Variants in NPSR1 observed in about 807,000 individuals in gnomAD.
NPSR1 encodes neuropeptide S receptor 1.
Under a neutral mutation model 46.9 loss-of-function variants are expected in NPSR1, and 48 were observed. The observed-to-expected ratio is 1.02, with a 90% CI of 0.81 to 1.30. The LOEUF (loss-of-function observed/expected upper bound fraction) is 1.30. Ranked by LOEUF, NPSR1 falls within the 50% of genes most tolerant of loss-of-function variation. The pLI, the probability that NPSR1 is intolerant of heterozygous loss-of-function variation, is 0.00. For missense variants in NPSR1, 450 were observed against 449.5 expected (o/e 1.00, Z -0.01); for synonymous variants, 176 against 168.1 (o/e 1.05, Z -0.36).
intron 6 of NPSR1, among the ~76,000 whole-genome samples, chr7:34,837,049 G>A (rs760957143): frequency 3.9e-5 from 6 of 152,284 alleles, no homozygotes; most frequent in South Asian, 4.2e-4. Flanking sequence ...ATGATAGCTA[G>A]AGAGAGAGGG....
chr7:34,842,244 G>A (rs1303806662), intron 6 of NPSR1, among the ~76,000 whole-genome samples: 1 of 152,180 alleles, frequency 6.6e-6, no homozygotes, highest in African/African-American at 2.4e-5. Context: ...ATTTGCCTAA[G>A]TTTACAAAGT....
intron 8 of NPSR1, among the ~76,000 whole-genome samples, chr7:34,868,693 T>C (rs1791379479): frequency 6.6e-6 from 1 of 151,620 alleles, no homozygotes; most frequent in African/African-American, 2.4e-5. Flanking sequence ...GAGGGGCAGC[T>C]CTCACAGTAT....
chr7:34,768,021 C>CA (rs1164377638), intron 2 of NPSR1, among the ~76,000 whole-genome samples: 1 of 151,844 alleles, frequency 6.6e-6, no homozygotes, highest in South Asian at 2.1e-4. Context: ...ATGATCCTCA[C>CA]AAAAAAATGA....
intron 2 of NPSR1, among the ~76,000 whole-genome samples, chr7:34,687,306 A>G (rs1376160475): frequency 1.3e-5 from 2 of 152,216 alleles, no homozygotes; most frequent in Non-Finnish European, 2.9e-5. Flanking sequence ...GTATAAAACC[A>G]TAAGATATAC....
chr7:34,697,186 TC>T (rs1358293889), intron 2 of NPSR1, among the ~76,000 whole-genome samples: 1 of 151,934 alleles, frequency 6.6e-6, no homozygotes, highest in African/African-American at 2.4e-5. Flanking sequence ...AAGATTTTTT[TC>T]ATAATAAAAT....
intron 2 of NPSR1, among the ~76,000 whole-genome samples, chr7:34,704,979 G>A (rs1408406803): frequency 6.6e-6 from 1 of 152,030 alleles, no homozygotes; most frequent in Non-Finnish European, 1.5e-5. Context: ...ATATGGTCTG[G>A]CCATTGTCTA....
intron 2 of NPSR1, among the ~76,000 whole-genome samples, chr7:34,747,431 T>G (rs1785263910): frequency 6.6e-6 from 1 of 152,228 alleles, no homozygotes; most frequent in African/African-American, 2.4e-5. Context: ...CAGAAGAATG[T>G]ACTTATTCTG....
intron 1 of NPSR1, among the ~76,000 whole-genome samples, chr7:34,684,149 T>C (rs6957501): frequency 0.18 from 26,863 of 152,158 alleles, 3,468 homozygotes; most frequent in African/African-American, 0.36. Flanking sequence ...TTAATAGCTA[T>C]GCTGTAATAG....
Position 34,798,164 on chromosome 7 carries a change from C to T in NPSR1, c.385-13606C>T, listed in dbSNP as rs529362655. On this transcript the variant is annotated intron_variant, in intron 3 of 8. Coordinates refer to ENST00000360581, the MANE Select transcript of NPSR1 (RefSeq NM_207172.2). ...CTTAATTGACCTATAGATAGTTGCTCGACACAAAAATAGCAATAATGCATT... is the reference window on the plus strand; with the variant it reads ...CTTAATTGACCTATAGATAGTTGCTTGACACAAAAATAGCAATAATGCATT... 6.6e-5 allele frequency among the ~76,000 whole-genome samples: 10 copies of T among 152,132 alleles called. 1 individual carries two copies. The South Asian group carries it at 8.3e-4, about 13-fold the overall frequency.
intron 1 of NPSR1, among the ~76,000 whole-genome samples, chr7:34,663,079 G>GTGTGTGTGTGTT (rs1554301936): frequency 1.5e-4 from 10 of 68,112 alleles, no homozygotes; most frequent in African/African-American, 4.1e-4. Flanking sequence ...GTGTGTGTGT[G>GTGTGTGTGTGTT]TGTATGTGTG....
At chr7:34,841,710 G>T (rs1269230304) in intron 6 of NPSR1, among the ~76,000 whole-genome samples, 2 of 152,206 alleles carry the variant, frequency 1.3e-5, no homozygotes, top group African/African-American at 4.8e-5. Context: ...CTCTGGGCAG[G>T]TAGATGATTA....
chr7:34,830,812 G>A (rs137972693), intron 5 of NPSR1, among the ~76,000 whole-genome samples: 1 of 151,768 alleles, frequency 6.6e-6, no homozygotes, highest in Non-Finnish European at 1.5e-5. Flanking sequence ...AGATCTACTT[G>A]TTTTTTTTCA....
intron 8 of NPSR1, among the ~76,000 whole-genome samples, chr7:34,877,806 C>A (rs1791612900): frequency 6.6e-6 from 1 of 152,154 alleles, no homozygotes; most frequent in African/African-American, 2.4e-5. Flanking sequence ...GGAGTGGCCA[C>A]AATGCCAGTT....
intron 1 of NPSR1, among the ~76,000 whole-genome samples, chr7:34,682,136 G>C (rs1320108754): frequency 2.0e-5 from 3 of 152,202 alleles, no homozygotes; most frequent in Admixed American, 6.5e-5. Flanking sequence ...AAAGCTTCTG[G>C]AAAATTGGGG....
At chr7:34,823,892 C>G (rs1789696868) in intron 4 of NPSR1, among the ~76,000 whole-genome samples, 1 of 152,158 alleles carries the variant, frequency 6.6e-6, no homozygotes, top group African/African-American at 2.4e-5. Context: ...GATCTGGGAG[C>G]TGCTGGCTGT....
chr7:34,784,349 A>C (rs1787365540), intron 3 of NPSR1, among the ~76,000 whole-genome samples: 2 of 152,054 alleles, frequency 1.3e-5, no homozygotes, highest in Admixed American at 6.6e-5. Flanking sequence ...TTATTTTGAG[A>C]TACATCCCAT....
At chr7:34,875,871 G>A (rs987893205) in intron 8 of NPSR1, among the ~76,000 whole-genome samples, 6 of 152,080 alleles carry the variant, frequency 3.9e-5, no homozygotes, top group African/African-American at 1.4e-4. Context: ...TCAAGGCATT[G>A]TGTGTGCACC....
At chr7:34,793,240 A>G (rs550524359) in intron 3 of NPSR1, among the ~76,000 whole-genome samples, 1 of 152,222 alleles carries the variant, frequency 6.6e-6, no homozygotes, top group South Asian at 2.1e-4. Flanking sequence ...CTGCACAGCA[A>G]AAGAACTATC....
At chr7:34,717,872 A>T (rs939629776) in intron 2 of NPSR1, among the ~76,000 whole-genome samples, 2 of 152,202 alleles carry the variant, frequency 1.3e-5, no homozygotes, top group Admixed American at 6.5e-5. Context: ...CCATCAGACA[A>T]GTCAAATCGC....
Sources: gnomAD v4.1 joint callset for allele counts (sites outside exome capture counted in the v4.1 genomes callset) on GRCh38, gnomAD v4.1.1 for gene constraint, MANE v1.5 for transcripts, NCBI Gene and HGNC (gene_info 2026-07-23, HGNC 2026-07-21) for gene names.